The following OSBPL9 variants were observed in gnomAD, a reference collection of about 807,000 sequenced individuals.
OSBPL9 encodes the protein oxysterol binding protein like 9.
OSBPL9 carries 40 observed loss-of-function variants against 106.6 expected under a neutral mutation model. That is an observed-to-expected ratio of 0.38 (90% CI 0.29 to 0.49). OSBPL9 has a LOEUF of 0.49. Ranked by LOEUF, OSBPL9 falls within the 20% of genes least tolerant of loss-of-function variation. The pLI is 0.97. For missense variants in OSBPL9, 609 were observed against 887.2 expected, an observed-to-expected ratio of 0.69 and a Z score of 3.98; for synonymous variants, 269 against 295.4, an observed-to-expected ratio of 0.91 and a Z score of 0.92.
At chr1:51,727,040 C>T (rs1283647125) in intron 4 of OSBPL9, among the ~76,000 whole-genome samples, 1 of 150,812 alleles carries the variant, frequency 6.6e-6, no homozygotes, top group African/African-American at 2.4e-5. Context: ...GCTGGCATCT[C>T]TTAATATGTA....
chr1:51,701,154 G>A (rs1216954739), intron 3 of OSBPL9, among the ~76,000 whole-genome samples: 1 of 152,134 alleles, frequency 6.6e-6, no homozygotes, highest in Admixed American at 6.5e-5. Flanking sequence ...TGGCCAGGCT[G>A]GTCTCAAACT....
At chr1:51,540,757 C>A in the OSBPL9 span, among the ~76,000 whole-genome samples, 1 of 151,220 alleles carries the variant, frequency 6.6e-6, no homozygotes, top group Non-Finnish European at 1.5e-5. Flanking sequence ...TCAGGAATTC[C>A]AGACCAGCCT....
At chr1:51,519,014 G>C in the OSBPL9 span, among the ~76,000 whole-genome samples, 13 of 151,342 alleles carry the variant, frequency 8.6e-5, no homozygotes, top group African/African-American at 2.9e-4. Context: ...GGCCGCAGGG[G>C]GGCTCCGGCT....
chr1:51,608,327 C>G (rs898387887), intron 2 of OSBPL9, among the ~76,000 whole-genome samples: 2 of 152,192 alleles, frequency 1.3e-5, no homozygotes, highest in South Asian at 4.1e-4. Context: ...GAGTCTCACT[C>G]TGTCACCCAG....
chr1:51,686,727 GA>G (rs1034911172), intron 3 of OSBPL9, among the ~76,000 whole-genome samples: 8 of 152,326 alleles, frequency 5.3e-5, no homozygotes, highest in African/African-American at 1.9e-4. Context: ...CCTGGCCAGA[GA>G]AAGGCCTAGG....
At chr1:51,761,086 A>T (rs1006603810) in intron 10 of OSBPL9, among the ~76,000 whole-genome samples, 14 of 152,174 alleles carry the variant, frequency 9.2e-5, no homozygotes, top group African/African-American at 3.4e-4. Flanking sequence ...CTAGCGAGGA[A>T]AAATTACTAT....
chr1:51,603,446 G>A (rs1042852202), intron 2 of OSBPL9, among the ~76,000 whole-genome samples: 1 of 152,148 alleles, frequency 6.6e-6, no homozygotes, highest in Admixed American at 6.5e-5. Flanking sequence ...GAACTGGATG[G>A]GACATTTTAA....
At chr1:51,591,633 C>T (rs1645275808) in intron 1 of OSBPL9, among the ~76,000 whole-genome samples, 2 of 152,004 alleles carry the variant, frequency 1.3e-5, no homozygotes, top group African/African-American at 4.8e-5. Flanking sequence ...ATGGTGAAAC[C>T]CCATCTCTAC....
At chr1:51,562,843 C>A in the OSBPL9 span, among the ~76,000 whole-genome samples, 1 of 152,222 alleles carries the variant, frequency 6.6e-6, no homozygotes, top group Non-Finnish European at 1.5e-5. Context: ...AGTTTTACCT[C>A]TGGACAATTT....
intron 16 of OSBPL9, among the ~76,000 whole-genome samples, chr1:51,782,026 A>C (rs1244815912): frequency 6.6e-6 from 1 of 152,130 alleles, no homozygotes; most frequent in Admixed American, 6.5e-5. Context: ...GATTGGATAA[A>C]ATTATTTAGG....
intron 4 of OSBPL9, 98 bp downstream of exon 4, chr1:51,714,177 G>A: frequency 1.2e-6 from 1 of 825,400 alleles, no homozygotes; most frequent in South Asian, 2.0e-5. Flanking sequence ...GTGGTATGAT[G>A]TAATAGGAAC....
chr1:51,740,065 A>C (rs1460404474), intron 4 of OSBPL9: 1 of 1,528,050 alleles, frequency 6.5e-7, no homozygotes, highest in Admixed American at 2.0e-5. Flanking sequence ...TTCTCTTACT[A>C]TTCCTTTACT....
chr1:51,594,541 G>A (rs548637220), intron 1 of OSBPL9, among the ~76,000 whole-genome samples: 4 of 152,276 alleles, frequency 2.6e-5, no homozygotes, highest in East Asian at 1.9e-4. Context: ...AGGAACAAAC[G>A]TTTACTGCAT....
chr1:51,735,540 C>G (rs1204303500), intron 4 of OSBPL9, among the ~76,000 whole-genome samples: 1 of 152,184 alleles, frequency 6.6e-6, no homozygotes, highest in African/African-American at 2.4e-5. Flanking sequence ...CTTTGAATTT[C>G]TTCGTGCTTT....
chr1:51,570,020 G>A, the OSBPL9 span, among the ~76,000 whole-genome samples: 1 of 152,174 alleles, frequency 6.6e-6, no homozygotes, highest in African/African-American at 2.4e-5. Context: ...AGCCACGTTT[G>A]TCTGATTCTT....
At chr1:51,709,982 G>A (rs1448194759) in intron 3 of OSBPL9, 1 of 152,294 alleles carries the variant, frequency 6.6e-6, no homozygotes, top group Non-Finnish European at 1.5e-5. Flanking sequence ...GCAACCCAGA[G>A]AATCATGTAG....
intron 5 of OSBPL9, 107 bp from the exon 6 acceptor site, chr1:51,746,603 C>A: frequency 3.9e-6 from 3 of 773,554 alleles, no homozygotes; most frequent in Non-Finnish European, 4.1e-6. Context: ...TAAATCATCC[C>A]TGGACAAAAT....
intron 2 of OSBPL9, among the ~76,000 whole-genome samples, chr1:51,606,942 C>T (rs897876500): frequency 6.6e-6 from 1 of 151,364 alleles, no homozygotes; most frequent in Admixed American, 6.6e-5. Context: ...CCCAGCTACT[C>T]GGGAGGCTGA....
chr1:51,678,410 C>CCT, intron 3 of OSBPL9, among the ~76,000 whole-genome samples: 1 of 152,166 alleles, frequency 6.6e-6, no homozygotes, highest in Admixed American at 6.5e-5. Context: ...CCTGTAATTT[C>CCT]AGCACTTTGG....
Sources: allele counts gnomAD v4.1 joint callset (sites outside exome capture counted in the v4.1 genomes callset), GRCh38; gene constraint gnomAD v4.1.1; transcripts MANE v1.5; gene names NCBI Gene and HGNC (gene_info 2026-07-23, HGNC 2026-07-21).